The following SCN9A variants were observed in gnomAD, a reference collection of about 807,000 sequenced individuals.
The protein encoded by SCN9A is sodium channel protein type 9 subunit alpha.
Under a neutral mutation model 187.0 loss-of-function variants are expected in SCN9A, and 131 were observed. The ratio of observed to expected loss-of-function variants is 0.70; its 90% confidence interval spans 0.61 to 0.81. SCN9A has a LOEUF of 0.81. Ranked by LOEUF, SCN9A falls within the 30% of genes least tolerant of loss-of-function variation. The probability of loss-of-function intolerance (pLI) is 0.00; values close to 1 mark genes in which losing one functional copy is unlikely to be tolerated. For synonymous variants in SCN9A, 809 were observed against 808.6 expected (o/e 1.00, Z -0.01); for missense variants, 2,252 against 2,396.6 (o/e 0.94, Z 1.26).
chr2:166,207,712 A>G (rs1693880802), intron 24 of SCN9A, among the ~76,000 whole-genome samples: 1 of 152,194 alleles, frequency 6.6e-6, no homozygotes, highest in African/African-American at 2.4e-5. Context: ...AAGTGCTGGG[A>G]TTACAGGCGT....
At chr2:166,248,437 C>G (rs1695889494) in intron 18 of SCN9A, among the ~76,000 whole-genome samples, 1 of 152,100 alleles carries the variant, frequency 6.6e-6, no homozygotes, top group African/African-American at 2.4e-5. Context: ...CACACCCTCA[C>G]TATACAAAAC....
chr2:166,360,611 C>T (rs919224755), intron 1 of SCN9A, among the ~76,000 whole-genome samples: 2 of 152,152 alleles, frequency 1.3e-5, no homozygotes, highest in Non-Finnish European at 2.9e-5. Flanking sequence ...TGGCACCAGG[C>T]AGACTTAGGT....
At chr2:166,237,465 C>T (rs1385106329) in intron 20 of SCN9A, among the ~76,000 whole-genome samples, 3 of 151,970 alleles carry the variant, frequency 2.0e-5, no homozygotes, top group Non-Finnish European at 4.4e-5. Context: ...CTCCTCTGCC[C>T]CACTGCCATT....
rs894699411 is a variant in SCN9A, at chr2:166,300,596, GCT to G, written c.901+2492_901+2493del. Among the ~76,000 whole-genome samples the G allele has an allele frequency of 2.2e-4, 33 of 150,674 alleles. 3 individuals are homozygous for G. The highest frequency in any genetic ancestry group is 7.5e-4 in the African/African-American group (30 of 40,132). Reference sequence around the variant, plus strand: ...GATGATAAGCTCTGTGAAAGCAAGGGCTGAGGCTATCATTTATTGCTATAGCT... The same window carrying G: ...GATGATAAGCTCTGTGAAAGCAAGGGGAGGCTATCATTTATTGCTATAGCT... On this transcript the variant is annotated intron_variant, in intron 7 of 26. Transcript: ENST00000642356.
chr2:166,311,644 T>C lies in SCN9A; in HGVS notation c.113A>G (p.Glu38Gly), dbSNP rs974242226. 2 of 1,613,322 alleles carry C rather than the reference T, an allele frequency of 1.2e-6. No homozygotes were observed. The highest frequency in any genetic ancestry group is 1.7e-6 in the Non-Finnish European group (2 of 1,179,794). The change falls in exon 2 of 27, where the codon GAA (glutamate) becomes GGA (glycine). Residue 38 changes from glutamate to glycine, a missense_variant. By Grantham distance (98) the Glu-to-Gly change is moderately conservative. Coordinates refer to ENST00000642356, the MANE Select transcript of SCN9A (RefSeq NM_001365536.1). ...GGCTTCTTCATCATCATCTTTCTTT[T>C]CTTCTTTGGGTTCCTTTGATTTTCT... ...AERKSKEPKE[E>G]KKDDDEEAPK...
At chr2:166,218,765 C>A (rs1694450293) in intron 24 of SCN9A, among the ~76,000 whole-genome samples, 1 of 152,108 alleles carries the variant, frequency 6.6e-6, no homozygotes, top group South Asian at 2.1e-4. Context: ...AAGAAACTAT[C>A]AACAGAGTAA....
At chr2:166,337,933 C>T (rs1699669214) in intron 1 of SCN9A, among the ~76,000 whole-genome samples, 1 of 151,912 alleles carries the variant, frequency 6.6e-6, no homozygotes, top group Non-Finnish European at 1.5e-5. Context: ...CATTATTAGG[C>T]AGGGGGAGTT....
chr2:166,339,872 ACTAT>A (rs1219525484), intron 1 of SCN9A, among the ~76,000 whole-genome samples: 1 of 152,190 alleles, frequency 6.6e-6, no homozygotes, highest in African/African-American at 2.4e-5. Flanking sequence ...ATTTAATTCT[ACTAT>A]CTAGAGAGGT....
In SCN9A at chr2:166,284,201, ATTAT is replaced by A. The variant is rs1697623025; in HGVS notation, c.1974+248_1974+251del. Among the ~76,000 whole-genome samples, 5 of 152,330 alleles carry A rather than the reference ATTAT, an allele frequency of 3.3e-5. 1 individual carries two copies. The highest frequency in any genetic ancestry group is 3.3e-4 in the Admixed American group (5 of 15,302). ...CCGTCATAAATTGTTCTCTAAAGAGATTATTTATAATCTTCAATTATAAAATTAA... is the reference window on the plus strand; with the variant it reads ...CCGTCATAAATTGTTCTCTAAAGAGATTATAATCTTCAATTATAAAATTAA... On this transcript the variant is annotated intron_variant, in intron 12 of 26. Transcript: ENST00000642356.
chr2:166,356,062 C>T (rs553954986), intron 1 of SCN9A, among the ~76,000 whole-genome samples: 42 of 152,202 alleles, frequency 2.8e-4, no homozygotes, highest in Admixed American at 1.2e-3. Flanking sequence ...TGAGCCACTG[C>T]GCCTGGCCAA....
chr2:166,206,071 G>A (rs1488068825), intron 24 of SCN9A, among the ~76,000 whole-genome samples: 1 of 152,182 alleles, frequency 6.6e-6, no homozygotes, highest in African/African-American at 2.4e-5. Context: ...TGGTGAGAGT[G>A]TAAAATAGTT....
intron 17 of SCN9A, among the ~76,000 whole-genome samples, chr2:166,255,118 G>GGAGAGA (rs35669204): frequency 1.7e-4 from 25 of 147,558 alleles, no homozygotes; most frequent in Admixed American, 1.6e-3. Flanking sequence ...AAGAGAGAGA[G>GGAGAGA]GAGAGAGAGA....
intron 24 of SCN9A, among the ~76,000 whole-genome samples, chr2:166,210,655 CAGAA>C (rs140642442): frequency 0.086 from 13,025 of 150,706 alleles, 596 homozygotes; most frequent in African/African-American, 0.11. Context: ...ACAGAGAAGA[CAGAA>C]AGGGGTGTAA....
At chr2:166,364,810 G>A (rs540485824) in intron 1 of SCN9A, among the ~76,000 whole-genome samples, 2 of 152,054 alleles carry the variant, frequency 1.3e-5, no homozygotes, top group Non-Finnish European at 2.9e-5. Flanking sequence ...CATTTGAAAT[G>A]GTTAAAATGG....
Position 166,324,048 on chromosome 2 carries a change from G to A in SCN9A, c.-50-12242C>T, listed in dbSNP as rs143943780. ...TCAAGGAGCAGGAAAATAGCTACAT[G>A]CTCACAACTCTATAATAATTTCAGG... On this transcript the variant is annotated intron_variant, in intron 1 of 26. Transcript: ENST00000642356. 1.4e-3 allele frequency among the ~76,000 whole-genome samples: 219 copies of A among 151,236 alleles called. 3 individuals are homozygous for A. The highest frequency in any genetic ancestry group is 2.4e-4 in the Non-Finnish European group (16 of 67,878).
intron 24 of SCN9A, among the ~76,000 whole-genome samples, chr2:166,212,322 G>A (rs1694133106): frequency 6.6e-6 from 1 of 152,154 alleles, no homozygotes; most frequent in Non-Finnish European, 1.5e-5. Context: ...AAAACCCACA[G>A]ACACAGAGGA....
chr2:166,282,863 T>A (rs1697555805), intron 12 of SCN9A, among the ~76,000 whole-genome samples: 1 of 152,174 alleles, frequency 6.6e-6, no homozygotes, highest in African/African-American at 2.4e-5. Context: ...AACCAGGTTT[T>A]CTGTGCTATA....
At chr2:166,295,975 C>T (rs1322058362) in intron 7 of SCN9A, 1 of 152,196 alleles carries the variant, frequency 6.6e-6, no homozygotes. Flanking sequence ...TGTCATCTCT[C>T]TTAAATATCT....
At chr2:166,203,775 A>G (rs1479451698) in intron 26 of SCN9A, among the ~76,000 whole-genome samples, 180 bp downstream of exon 26, 1 of 151,948 alleles carries the variant, frequency 6.6e-6, no homozygotes, top group Non-Finnish European at 1.5e-5. Context: ...GTGTAAACCC[A>G]GAAACACTGT....
Sources: allele counts gnomAD v4.1 joint callset (sites outside exome capture counted in the v4.1 genomes callset), GRCh38; gene constraint gnomAD v4.1.1; transcripts MANE v1.5; gene names NCBI Gene and HGNC (gene_info 2026-07-23, HGNC 2026-07-21).